The following SP3 variants were observed in gnomAD, a reference collection of about 807,000 sequenced individuals.
SP3 encodes the protein transcription factor Sp3.
In SP3, 10 loss-of-function variants were observed where a neutral mutation model predicts 70.3. The ratio of observed to expected loss-of-function variants is 0.14; its 90% confidence interval spans 0.09 to 0.24. The LOEUF (loss-of-function observed/expected upper bound fraction) is 0.24. Among genes scored for constraint, SP3 ranks in the 10% least tolerant of loss-of-function variants. The pLI is 1.00. For synonymous variants in SP3, 402 were observed against 333.5 expected (o/e 1.21, Z -2.24); for missense variants, 825 against 914.6 (o/e 0.90, Z 1.26).
chr2:173,922,682 G>A (rs890806602), intron 4 of SP3, among the ~76,000 whole-genome samples: 1 of 151,978 alleles, frequency 6.6e-6, no homozygotes, highest in Non-Finnish European at 1.5e-5. Context: ...AAATCATTTC[G>A]GGAAGAACTT....
At chr2:173,965,520 T>G, upstream of SP3, 1 of 271,546 alleles carries the variant, frequency 3.7e-6, no homozygotes, top group Non-Finnish European at 7.0e-6. Context: ...GGAGAGACAA[T>G]GAGCGGCCGT....
At position 173,907,112 on chromosome 2, in the gene SP3, A is replaced by T. The variant is rs1025505484; in HGVS notation, c.*2829T>A. ...AGTCACTTTTCAGTAATTAAGCCTC[A>T]ATCTATAGAAAATGAGATGCTCTTT... is the stretch of plus-strand genomic sequence containing the variant. On this transcript the variant is annotated 3_prime_UTR_variant, in exon 7 of 7. Coordinates refer to ENST00000310015, the MANE Select transcript of SP3 (RefSeq NM_003111.5). The T allele has an allele frequency of 2.0e-5, 3 of 152,174 alleles. No homozygotes were observed. The highest frequency in any genetic ancestry group is 1.3e-4 in the Admixed American group (2 of 15,276). 9.4% of individuals were successfully genotyped at this position (152,174 alleles called of 1,614,324 possible). A position where few individuals can be genotyped will look rare whatever the true frequency, so the allele number is the denominator to read the frequency against.
intron 4 of SP3, among the ~76,000 whole-genome samples, chr2:173,950,048 T>C (rs1232451509): frequency 2.6e-5 from 4 of 152,036 alleles, no homozygotes; most frequent in Non-Finnish European, 4.4e-5. Context: ...GAGACAACAA[T>C]GAAGTTTCCT....
intron 4 of SP3, among the ~76,000 whole-genome samples, chr2:173,943,818 T>C (rs954625200): frequency 6.6e-6 from 1 of 152,188 alleles, no homozygotes; most frequent in Admixed American, 6.5e-5. Flanking sequence ...TTCTGAGAAA[T>C]ACATCATTAG....
chr2:173,919,464 G>A (rs1022774385), intron 4 of SP3, among the ~76,000 whole-genome samples: 1 of 152,130 alleles, frequency 6.6e-6, no homozygotes, highest in African/African-American at 2.4e-5. Context: ...TCTCAGTATA[G>A]ATGACAGGAA....
intron 4 of SP3, among the ~76,000 whole-genome samples, chr2:173,928,041 A>G (rs9287968): frequency 0.33 from 50,304 of 152,010 alleles, 8,857 homozygotes; most frequent in Non-Finnish European, 0.38. Flanking sequence ...AACTCTGGTG[A>G]TATCAACTCT....
chr2:173,951,683 G>A (rs1690715733), intron 4 of SP3, among the ~76,000 whole-genome samples: 1 of 152,116 alleles, frequency 6.6e-6, no homozygotes, highest in African/African-American at 2.4e-5. Context: ...CCAATTGTGG[G>A]TTTTCTTTGA....
chr2:173,939,740 G>A (rs111276098), intron 4 of SP3, among the ~76,000 whole-genome samples: 16,213 of 95,446 alleles, frequency 0.17, 1,215 homozygotes, highest in Middle Eastern at 0.32. Flanking sequence ...ACTCCAGCCT[G>A]AGCAACAGAG....
Position 173,964,419 on chromosome 2 carries a change from C to A in SP3, c.142G>T (p.Ala48Ser). The A allele has an allele frequency of 1.4e-6, 1 of 728,352 alleles. No individual in the cohort carries two copies. The highest frequency in any genetic ancestry group is 1.8e-5 in the Admixed American group (1 of 54,672). The allele number at this position is 728,352 out of a possible 1,614,324, so 45.1% of individuals were successfully genotyped here. Residue 48 changes from alanine to serine, a missense_variant, in exon 2 of 7, where the codon GCA becomes TCA. Coordinates refer to ENST00000310015, the MANE Select transcript of SP3 (RefSeq NM_003111.5). ...CCGCTCCTCACCTGGGCCGCCGCTG[C>A]CGCCGCCACCGCACCGTTTCCGTGC... ...QQHGNGAVAA[A>S]AAAQDTQPSP... is the part of the protein sequence containing the mutation.
intron 4 of SP3, among the ~76,000 whole-genome samples, chr2:173,935,204 C>T (rs1368158591): frequency 6.6e-6 from 1 of 152,124 alleles, no homozygotes; most frequent in African/African-American, 2.4e-5. Flanking sequence ...CACTGTACTC[C>T]AGCCTGGGTG....
chr2:173,950,233 C>T (rs1002180880), intron 4 of SP3, among the ~76,000 whole-genome samples: 1 of 151,556 alleles, frequency 6.6e-6, no homozygotes, highest in Non-Finnish European at 1.5e-5. Context: ...CTGCTTAATA[C>T]AGGCTCGAGT....
chr2:173,947,952 T>C (rs998978209), intron 4 of SP3, among the ~76,000 whole-genome samples: 1 of 152,198 alleles, frequency 6.6e-6, no homozygotes, highest in Non-Finnish European at 1.5e-5. Flanking sequence ...GTCGTAAGAC[T>C]GTGCTGATGT....
At chr2:173,920,646 G>A (rs1478887783) in intron 4 of SP3, among the ~76,000 whole-genome samples, 5 of 151,784 alleles carry the variant, frequency 3.3e-5, no homozygotes, top group Admixed American at 6.6e-5. Context: ...CTTGCTCTGT[G>A]GTGGCGTGAC....
chr2:173,923,308 G>C (rs1481871709), intron 4 of SP3, among the ~76,000 whole-genome samples: 1 of 151,812 alleles, frequency 6.6e-6, no homozygotes, highest in Non-Finnish European at 1.5e-5. Flanking sequence ...AAAAAATTCT[G>C]CATACCTGGG....
intron 4 of SP3, among the ~76,000 whole-genome samples, chr2:173,948,526 A>AG (rs936027318): frequency 9.9e-5 from 15 of 152,264 alleles, no homozygotes; most frequent in African/African-American, 1.9e-4. Flanking sequence ...CTCACTGATA[A>AG]GGGGGGCGAC....
At chr2:173,965,375 G>A (rs1245966454), upstream of SP3, 20 of 600,220 alleles carry the variant, frequency 3.3e-5, no homozygotes, top group Middle Eastern at 4.2e-4. Context: ...GAGGGTGACA[G>A]CCCGCCCGGA....
chr2:173,953,774 CAA>C (rs1268365282), intron 4 of SP3, among the ~76,000 whole-genome samples: 2 of 76,746 alleles, frequency 2.6e-5, no homozygotes, highest in Non-Finnish European at 6.3e-5. Context: ...TCTCAAAAAA[CAA>C]AACAAAACAA....
chr2:173,904,149 A>T lies in SP3; in HGVS notation c.*5792T>A, dbSNP rs1282429161. On this transcript the variant is annotated 3_prime_UTR_variant, in exon 7 of 7. Transcript: ENST00000310015. ...AGAATCTAATGTTGTGGCTCATCTG[A>T]CAGGAGGCAGAGCTCAGGCAGGAAT... Among the ~76,000 whole-genome samples the T allele has an allele frequency of 6.6e-6, 1 of 151,968 alleles. No individual in the cohort carries two copies. The highest frequency in any genetic ancestry group is 6.6e-5 in the Admixed American group (1 of 15,264).
chr2:173,942,804 TC>T (rs1690410846), intron 4 of SP3, among the ~76,000 whole-genome samples: 1 of 152,178 alleles, frequency 6.6e-6, no homozygotes, highest in Admixed American at 6.5e-5. Flanking sequence ...GCTTGTACAG[TC>T]AGCCCTCCAC....
Sources: allele counts gnomAD v4.1 joint callset (sites outside exome capture counted in the v4.1 genomes callset), GRCh38; gene constraint gnomAD v4.1.1; transcripts MANE v1.5; gene names NCBI Gene and HGNC (gene_info 2026-07-23, HGNC 2026-07-21).